MRPL50: variants seen among roughly 807,000 people sequenced by gnomAD.
MRPL50 encodes the protein large ribosomal subunit protein mL50.
In MRPL50, 10 loss-of-function variants were observed where a neutral mutation model predicts 16.2. The ratio of observed to expected loss-of-function variants is 0.62; its 90% CI spans 0.38 to 1.05. The LOEUF (loss-of-function observed/expected upper bound fraction) is 1.05. Among genes scored for constraint, MRPL50 ranks in the 50% least tolerant of loss-of-function variants. The probability of loss-of-function intolerance (pLI) is 0.01; values close to 1 mark genes in which losing one functional copy is unlikely to be tolerated. For missense variants in MRPL50, 213 were observed against 187.1 expected, an observed-to-expected ratio of 1.14 and a Z score of -0.81; for synonymous variants, 68 against 66.8, an observed-to-expected ratio of 1.02 and a Z score of -0.09.
At chr9:101,395,462 C>T (rs1271973649) in intron 1 of MRPL50, among the ~76,000 whole-genome samples, 1 of 152,096 alleles carries the variant, frequency 6.6e-6, no homozygotes, top group African/African-American at 2.4e-5. Context: ...GATATCTGTA[C>T]TCCATGTTTA....
chr9:101,395,689 G>C (rs112557698), intron 1 of MRPL50, among the ~76,000 whole-genome samples: 1 of 150,874 alleles, frequency 6.6e-6, no homozygotes, highest in Non-Finnish European at 1.5e-5. Flanking sequence ...GCATGTTCTC[G>C]CTCCTATGTG....
At position 101,388,370 on chromosome 9, in the gene MRPL50, T is replaced by C. The variant is rs1169386805; in HGVS notation, c.*2096A>G. On this transcript the variant is annotated 3_prime_UTR_variant, in exon 2 of 2. Coordinates refer to ENST00000374865, the MANE Select transcript of MRPL50 (RefSeq NM_019051.3). ...TCCACATAGACCTTCTCATCCCTTA[T>C]TTCCATCTTGCCCTTTGTTTTTCCG... 6.6e-6 allele frequency: 1 copy of C among 152,058 alleles called. No individual in the cohort carries two copies. The highest frequency in any genetic ancestry group is 2.4e-5 in the African/African-American group (1 of 41,418). The allele number at this position is 152,058 out of a possible 1,614,324, so 9.4% of individuals were successfully genotyped here.
intron 1 of MRPL50, among the ~76,000 whole-genome samples, chr9:101,397,720 G>T (rs1350902348): frequency 6.6e-6 from 1 of 152,192 alleles, no homozygotes; most frequent in African/African-American, 2.4e-5. Context: ...TGATGAAAAA[G>T]ATCTTTCCTA....
At chr9:101,396,087 TA>T (rs79082609) in intron 1 of MRPL50, among the ~76,000 whole-genome samples, 32,210 of 151,422 alleles carry the variant, frequency 0.21, 3,801 homozygotes, top group East Asian at 0.34. Context: ...CCATAAACAT[TA>T]AAAAAAAATT....
At chr9:101,391,045 C>G (rs1415522054) in intron 1 of MRPL50, among the ~76,000 whole-genome samples, 195 bp from the exon 2 acceptor site, 1 of 152,072 alleles carries the variant, frequency 6.6e-6, no homozygotes, top group African/African-American at 2.4e-5. Flanking sequence ...CAGAAAGAAA[C>G]TAAGTACATA....
intron 1 of MRPL50, 80 bp downstream of exon 1, chr9:101,398,421 G>GT: frequency 1.5e-6 from 2 of 1,360,658 alleles, no homozygotes; most frequent in East Asian, 2.3e-5. Context: ...CCACGATGGC[G>GT]TAACACTCTA....
At chr9:101,392,785 T>C (rs887838522) in intron 1 of MRPL50, among the ~76,000 whole-genome samples, 1 of 151,502 alleles carries the variant, frequency 6.6e-6, no homozygotes, top group African/African-American at 2.4e-5. Context: ...CCAAACACAC[T>C]CTACAAGGCC....
chr9:101,389,821 A>C lies in MRPL50; in HGVS notation c.*645T>G. ...CTGAAGAGAATATGCAATTAGACAT[A>C]GAATCTGGCACATCTCTTATGAGGA... is the stretch of plus-strand genomic sequence containing the variant. On this transcript the variant is annotated 3_prime_UTR_variant, in exon 2 of 2. Transcript: ENST00000374865. 1 of 201,014 alleles carries C rather than the reference A, an allele frequency of 5.0e-6. No homozygotes were observed. The highest frequency in any genetic ancestry group is 9.0e-6 in the Non-Finnish European group (1 of 110,846). 12.5% of individuals were successfully genotyped at this position (201,014 alleles called of 1,614,324 possible).
intron 1 of MRPL50, among the ~76,000 whole-genome samples, chr9:101,391,761 A>G (rs1036649843): frequency 4.6e-5 from 7 of 152,100 alleles, no homozygotes; most frequent in African/African-American, 1.7e-4. Flanking sequence ...CCCACTCTCA[A>G]TAACAGACAG....
chr9:101,393,579 T>C (rs1830301054), intron 1 of MRPL50, among the ~76,000 whole-genome samples: 2 of 152,200 alleles, frequency 1.3e-5, no homozygotes, highest in South Asian at 4.1e-4. Flanking sequence ...TTAGAAATTA[T>C]AAATTCAGTA....
chr9:101,396,322 T>C (rs1179507976), intron 1 of MRPL50, among the ~76,000 whole-genome samples: 1 of 152,196 alleles, frequency 6.6e-6, no homozygotes, highest in Non-Finnish European at 1.5e-5. Context: ...CCAAAGGAAA[T>C]GAAAGCAGTA....
At chr9:101,398,445 C>G (rs1588151372) in intron 1 of MRPL50, 56 bp downstream of exon 1, 1 of 1,512,042 alleles carries the variant, frequency 6.6e-7, no homozygotes, top group East Asian at 2.3e-5. Context: ...TGAATTCGTC[C>G]CTAATCCTCC....
At position 101,389,908 on chromosome 9, in the gene MRPL50, A is replaced by T; in HGVS notation, c.*558T>A. The stretch of plus-strand genomic sequence containing the variant: ...TTTTTTCAAAATTATACTTACTGGA[A>T]AGAAATGGCAAGGCAGAGCGCAAGC... On this transcript the variant is annotated 3_prime_UTR_variant, in exon 2 of 2. Transcript: ENST00000374865. 2.8e-6 allele frequency: 2 copies of T among 710,156 alleles called. No homozygotes were observed. The highest frequency in any genetic ancestry group is 3.5e-6 in the Non-Finnish European group (2 of 578,776). 44.0% of individuals were successfully genotyped at this position (710,156 alleles called of 1,614,324 possible).
At position 101,390,637 on chromosome 9, in the gene MRPL50, A is replaced by G. The variant is rs1362610042; in HGVS notation, c.306T>C (p.Ala102=). ...EDSRLKFNLL[A]HLADDLGHVV... ...CATGACCCAAGTCATCAGCTAAATG[A>G]GCCAGAAGATTGAACTTTAGACGAC... Residue 102 remains alanine (A), a synonymous_variant, in exon 2 of 2, where the codon GCT becomes GCC. Transcript: ENST00000374865. The G allele has an allele frequency of 6.2e-7, 1 of 1,613,356 alleles. No homozygotes were observed. Among genetic ancestry groups the G allele is most frequent in the Admixed American group, 1.7e-5 (1 of 59,928 alleles).
In MRPL50 at chr9:101,398,613, C is replaced by CT. The variant is rs771093452; in HGVS notation, c.-22dup. 2 of 1,611,458 alleles carry CT rather than the reference C, an allele frequency of 1.2e-6. No individual in the cohort carries two copies. The highest frequency in any genetic ancestry group is 1.7e-6 in the Non-Finnish European group (2 of 1,179,326). On this transcript the variant is annotated 5_prime_UTR_variant, in exon 1 of 2. Transcript: ENST00000374865. ...GCCATCTTCGATGAGATCCACGGGC[C>CT]TGAGCGCAGCCTTCAGCCAGCAGTG...
intron 1 of MRPL50, among the ~76,000 whole-genome samples, chr9:101,393,309 AACAAG>A (rs1202671798): frequency 6.6e-6 from 1 of 152,166 alleles, no homozygotes; most frequent in African/African-American, 2.4e-5. Flanking sequence ...TAAGATCTTG[AACAAG>A]ACAAGGATGC....
At chr9:101,398,335 C>T (rs1437540657) in intron 1 of MRPL50, among the ~76,000 whole-genome samples, 166 bp downstream of exon 1, 1 of 152,160 alleles carries the variant, frequency 6.6e-6, no homozygotes, top group Non-Finnish European at 1.5e-5. Context: ...GAGACTGGGT[C>T]CCACCACTCA....
Position 101,390,902 on chromosome 9 carries a change from C to T in MRPL50, c.93-52G>A, listed in dbSNP as rs372001343. ...AATCCATTAATGAAGTTGACAAACA[C>T]CAGACCAAATCTTGCCTACCAATCA... is the stretch of plus-strand genomic sequence containing the variant. On this transcript the variant is annotated intron_variant, in intron 1 of 1. Coordinates refer to ENST00000374865, the MANE Select transcript of MRPL50 (RefSeq NM_019051.3). The T allele has an allele frequency of 9.8e-6, 15 of 1,526,548 alleles. No individual in the cohort carries two copies. The African/African-American group carries it at 1.1e-4, about 11-fold the overall frequency. 94.6% of individuals were successfully genotyped at this position (1,526,548 alleles called of 1,614,324 possible).
intron 1 of MRPL50, among the ~76,000 whole-genome samples, chr9:101,394,493 G>T (rs995825458): frequency 2.6e-5 from 4 of 152,014 alleles, no homozygotes; most frequent in Non-Finnish European, 2.9e-5. Flanking sequence ...CCATTTCCTA[G>T]GCCCCTACCT....
Sources: allele counts gnomAD v4.1 joint callset (sites outside exome capture counted in the v4.1 genomes callset), GRCh38; gene constraint gnomAD v4.1.1; transcripts MANE v1.5; gene names NCBI Gene and HGNC (gene_info 2026-07-23, HGNC 2026-07-21).